The following TMEM161B variants were observed in gnomAD, a reference collection of about 807,000 sequenced individuals.
The protein encoded by TMEM161B is transmembrane protein 161B.
Under a neutral mutation model 61.8 loss-of-function variants are expected in TMEM161B, and 34 were observed. That is an observed-to-expected ratio of 0.55 (90% confidence interval 0.42 to 0.73). TMEM161B has a LOEUF of 0.73. TMEM161B is among the 30% of genes least tolerant of loss of function. The pLI is 0.00. For synonymous variants in TMEM161B, 167 were observed against 192.8 expected, an observed-to-expected ratio of 0.87 and a Z score of 1.11; for missense variants, 456 against 558.5, an observed-to-expected ratio of 0.82 and a Z score of 1.85.
At chr5:88,259,405 G>A (rs1295094444) in intron 1 of TMEM161B, 1 of 152,170 alleles carries the variant, frequency 6.6e-6, no homozygotes, top group Non-Finnish European at 1.5e-5. Flanking sequence ...AGCCCAAGTG[G>A]AAAGAAGAGT....
At chr5:88,194,526 A>T (rs1242409655), downstream of TMEM161B, among the ~76,000 whole-genome samples, 1 of 152,106 alleles carries the variant, frequency 6.6e-6, no homozygotes, top group Non-Finnish European at 1.5e-5. Flanking sequence ...GAAACTGCTC[A>T]GTCAAGTGGT....
Position 88,207,160 on chromosome 5 carries a change from G to A in TMEM161B, c.467C>T (p.Thr156Ile). The part of the protein sequence containing the change: ...SFAIKVLFSL[T>I]THYFKVEDGG... The stretch of plus-strand genomic sequence containing the variant: ...ATCTTCTACTTTAAAATAGTGTGTA[G>A]TTAATGAAAATAGAACTTTGCTGCA... The change falls in exon 6 of 12, where the codon ACT (threonine) becomes ATT (isoleucine). Residue 156 changes from threonine to isoleucine, a missense_variant. Physicochemically the swap from Thr to Ile is moderately conservative, Grantham distance 89. Coordinates refer to ENST00000296595, the MANE Select transcript of TMEM161B (RefSeq NM_153354.5). 6.2e-7 allele frequency: 1 copy of A among 1,609,040 alleles called. No individual in the cohort carries two copies.
intron 2 of TMEM161B, among the ~76,000 whole-genome samples, chr5:88,239,531 GTTA>G (rs1405214988): frequency 6.6e-6 from 1 of 151,786 alleles, no homozygotes; most frequent in Non-Finnish European, 1.5e-5. Context: ...TAAAAAAATA[GTTA>G]AAGATTATTT....
intron 7 of TMEM161B, 23 bp downstream of exon 7, chr5:88,206,416 T>C (rs1280029983): frequency 1.1e-5 from 17 of 1,556,736 alleles, no homozygotes; most frequent in Non-Finnish European, 1.5e-5. Flanking sequence ...ATTTAAATAA[T>C]GCTTAATTTT....
Position 88,206,505 on chromosome 5 carries a change from G to GA in TMEM161B, c.599-7_599-6insT. ...GTCTGAAAAATTTGTAAACCCTGTG[G>GA]GGGAAAAAAAAAAAAACAACAGATT... On this transcript the variant is annotated splice_region_variant and splice_polypyrimidine_tract_variant and intron_variant, in intron 6 of 11. Coordinates refer to ENST00000296595, the MANE Select transcript of TMEM161B (RefSeq NM_153354.5). 1 of 1,540,172 alleles carries GA rather than the reference G, an allele frequency of 6.5e-7. No homozygotes were observed.
chr5:88,265,890 A>G (rs1423978886), intron 1 of TMEM161B, among the ~76,000 whole-genome samples: 3 of 152,252 alleles, frequency 2.0e-5, no homozygotes, highest in African/African-American at 7.2e-5. Context: ...GCAAGCCGTG[A>G]TATCTGCAAT....
At chr5:88,187,177 T>C (rs1248197350), downstream of TMEM161B, among the ~76,000 whole-genome samples, 1 of 152,256 alleles carries the variant, frequency 6.6e-6, no homozygotes, top group Non-Finnish European at 1.5e-5. Context: ...AGTGTGTAAG[T>C]ATGAGACTAT....
At position 88,208,300 on chromosome 5, in the gene TMEM161B, G is replaced by A. The variant is rs373253669; in HGVS notation, c.447-1120C>T. ...AGATCGAGACCATGCTGGCTAACAT[G>A]ATGAAACCCCGTCTCTACTAAAAAT... On this transcript the variant is annotated intron_variant, in intron 5 of 11. Coordinates refer to ENST00000296595, the MANE Select transcript of TMEM161B (RefSeq NM_153354.5). 1.2e-4 allele frequency among the ~76,000 whole-genome samples: 19 copies of A among 152,220 alleles called. No individual in the cohort carries two copies. The South Asian group carries it at 3.7e-3, about 30-fold the overall frequency.
intron 6 of TMEM161B, 94 bp downstream of exon 6, chr5:88,206,935 G>T: frequency 9.8e-7 from 1 of 1,023,672 alleles, no homozygotes; most frequent in Non-Finnish European, 1.4e-6. Context: ...TTTAATTTTA[G>T]ATATTTATCA....
At chr5:88,197,616 T>C (rs971682700) in intron 11 of TMEM161B, 53 bp downstream of exon 11, 3 of 1,405,472 alleles carry the variant, frequency 2.1e-6, no homozygotes, top group African/African-American at 1.5e-5. Context: ...AAAAGCTTTA[T>C]TAATTATAGG....
At chr5:88,192,651 T>A (rs952471392), downstream of TMEM161B, among the ~76,000 whole-genome samples, 3 of 152,344 alleles carry the variant, frequency 2.0e-5, no homozygotes, top group Middle Eastern at 3.4e-3. Context: ...AGCTCTAGTA[T>A]CACTAGTGTG....
chr5:88,258,555 T>C (rs1755290240), intron 1 of TMEM161B, among the ~76,000 whole-genome samples: 1 of 152,164 alleles, frequency 6.6e-6, no homozygotes, highest in Non-Finnish European at 1.5e-5. Flanking sequence ...ATGGTTCTAG[T>C]TATGGAACAC....
intron 5 of TMEM161B, among the ~76,000 whole-genome samples, chr5:88,218,162 G>A (rs967002926): frequency 6.6e-6 from 1 of 152,118 alleles, no homozygotes; most frequent in Non-Finnish European, 1.5e-5. Flanking sequence ...GCAAGAAAGA[G>A]GATGACATTC....
chr5:88,258,529 G>A (rs934699915), intron 1 of TMEM161B, among the ~76,000 whole-genome samples: 9 of 152,170 alleles, frequency 5.9e-5, no homozygotes, highest in African/African-American at 2.2e-4. Flanking sequence ...TTGACCAAGG[G>A]CGAATGCAGA....
At chr5:88,188,942 A>G (rs553469551), downstream of TMEM161B, among the ~76,000 whole-genome samples, 1 of 152,290 alleles carries the variant, frequency 6.6e-6, no homozygotes, top group South Asian at 2.1e-4. Flanking sequence ...GTCTTCAGAC[A>G]GGAGACAGTA....
intron 2 of TMEM161B, among the ~76,000 whole-genome samples, chr5:88,237,618 G>A (rs575987994): frequency 1.3e-5 from 2 of 151,904 alleles, no homozygotes; most frequent in East Asian, 3.9e-4. Flanking sequence ...CTAGCTCAAT[G>A]AACAGATCTA....
At chr5:88,267,210 T>G (rs1054707256) in intron 1 of TMEM161B, among the ~76,000 whole-genome samples, 1 of 152,206 alleles carries the variant, frequency 6.6e-6, no homozygotes, top group African/African-American at 2.4e-5. Context: ...AGATTCTTTC[T>G]TCTGTAAAAA....
downstream of TMEM161B, among the ~76,000 whole-genome samples, chr5:88,193,039 C>A (rs1749120241): frequency 6.6e-6 from 1 of 152,070 alleles, no homozygotes; most frequent in Admixed American, 6.5e-5. Flanking sequence ...AACAATAAGA[C>A]AATGAGCCCA....
intron 1 of TMEM161B, among the ~76,000 whole-genome samples, chr5:88,248,728 A>C (rs912868112): frequency 1.3e-5 from 2 of 151,948 alleles, no homozygotes; most frequent in Non-Finnish European, 2.9e-5. Flanking sequence ...AAAAAAAAAA[A>C]AAACAACTTT....
Sources: allele counts gnomAD v4.1 joint callset (sites outside exome capture counted in the v4.1 genomes callset), GRCh38; gene constraint gnomAD v4.1.1; transcripts MANE v1.5; gene names NCBI Gene and HGNC (gene_info 2026-07-23, HGNC 2026-07-21).